The following SH3PXD2A variants were observed in gnomAD, a reference collection of about 807,000 sequenced individuals.
SH3PXD2A encodes SH3 and PX domains 2A, also known as SH3 and PX domain-containing protein 2A.
SH3PXD2A carries 32 observed loss-of-function variants against 115.2 expected under a neutral mutation model. The ratio of observed to expected loss-of-function variants is 0.28; its 90% confidence interval spans 0.21 to 0.37. SH3PXD2A has a LOEUF of 0.37. Ranked by LOEUF, SH3PXD2A falls within the 10% of genes least tolerant of loss-of-function variation. The pLI is 1.00. For synonymous variants in SH3PXD2A, 610 were observed against 629.1 expected (o/e 0.97, Z 0.45); for missense variants, 1,328 against 1,498.7 (o/e 0.89, Z 1.88).
At chr10:103,732,470 G>A (rs1564875585) in intron 4 of SH3PXD2A, among the ~76,000 whole-genome samples, 1 of 152,190 alleles carries the variant, frequency 6.6e-6, no homozygotes. Context: ...TAAATTTTCC[G>A]TGATTCCCAT....
rs567973128 is a variant in SH3PXD2A at position 103,833,069 on chromosome 10, C to T, written c.72+22126G>A. ...GCATTATTAGGCTTTTCATCCTGTA[C>T]TTTCTAACAGAGAATCACAAACTCT... On this transcript the variant is annotated intron_variant, in intron 1 of 14. Coordinates refer to ENST00000369774, the MANE Select transcript of SH3PXD2A (RefSeq NM_001394015.1). Among the ~76,000 whole-genome samples the T allele has an allele frequency of 4.6e-5, 7 of 152,316 alleles. No individual in the cohort carries two copies. In the South Asian group the frequency reaches 1.4e-3, roughly 32 times the overall value.
chr10:103,756,227 C>T lies in SH3PXD2A; in HGVS notation c.229+10867G>A, dbSNP rs1379247418. Among the ~76,000 whole-genome samples the T allele has an allele frequency of 6.6e-6, 1 of 152,170 alleles. No homozygotes were observed. Among genetic ancestry groups the T allele is most frequent in the Non-Finnish European group, 1.5e-5 (1 of 68,038 alleles). ...GCCCTGGATGAATGATACATCAGTT[C>T]ACACAGGTGATGCCTAGAGCCAGCT... On this transcript the variant is annotated intron_variant, in intron 3 of 14. Transcript: ENST00000369774. This position sits in a 1 kb window ranked among gnomAD's most constrained non-coding sequence, Gnocchi z 4.4.
At chr10:103,689,569 G>A (rs1017024959) in intron 6 of SH3PXD2A, among the ~76,000 whole-genome samples, 6 of 152,172 alleles carry the variant, frequency 3.9e-5, no homozygotes, top group African/African-American at 1.4e-4. Context: ...GGAGGCTGAG[G>A]CAAGAGAACC....
intron 8 of SH3PXD2A, among the ~76,000 whole-genome samples, chr10:103,640,634 G>A (rs2036941370): frequency 6.6e-6 from 1 of 152,176 alleles, no homozygotes; most frequent in Admixed American, 6.5e-5. Flanking sequence ...GACACAAAAT[G>A]GGCAACGGTC....
At chr10:103,743,220 AT>A (rs1480351530) in intron 3 of SH3PXD2A, among the ~76,000 whole-genome samples, 1 of 152,148 alleles carries the variant, frequency 6.6e-6, no homozygotes, top group Non-Finnish European at 1.5e-5. Context: ...CAGAGAGAAT[AT>A]AACCATGATT....
chr10:103,694,280 G>GT (rs1160352331), intron 5 of SH3PXD2A, among the ~76,000 whole-genome samples: 1 of 38,606 alleles, frequency 2.6e-5, no homozygotes, highest in Non-Finnish European at 5.2e-5. Flanking sequence ...AGGCGGGGTT[G>GT]GGGGTTTGGG....
intron 2 of SH3PXD2A, among the ~76,000 whole-genome samples, chr10:103,787,346 C>T (rs911402591): frequency 6.6e-6 from 1 of 152,232 alleles, no homozygotes; most frequent in Non-Finnish European, 1.5e-5. Context: ...TCTCAATATG[C>T]ACCAAATATA....
intron 1 of SH3PXD2A, among the ~76,000 whole-genome samples, chr10:103,809,274 G>C (rs933431862): frequency 6.6e-6 from 1 of 152,196 alleles, no homozygotes; most frequent in Non-Finnish European, 1.5e-5. Context: ...TTGACTATAA[G>C]GCTAATGACC....
chr10:103,695,010 C>A (rs1402639931), intron 5 of SH3PXD2A, among the ~76,000 whole-genome samples: 1 of 152,164 alleles, frequency 6.6e-6, no homozygotes, highest in Non-Finnish European at 1.5e-5. Flanking sequence ...AGTATTAGAT[C>A]GTAGCTGTGT....
intron 8 of SH3PXD2A, among the ~76,000 whole-genome samples, chr10:103,638,077 C>T (rs929788220): frequency 2.0e-5 from 3 of 152,192 alleles, no homozygotes; most frequent in Non-Finnish European, 1.5e-5. Context: ...CAAACAGGAG[C>T]GAGCGAGAAA....
intron 3 of SH3PXD2A, among the ~76,000 whole-genome samples, chr10:103,761,866 G>C (rs572112136): frequency 6.6e-6 from 1 of 152,226 alleles, no homozygotes; most frequent in African/African-American, 2.4e-5. Context: ...GAAGAATCGC[G>C]GCTCTGCTGC....
Position 103,801,311 on chromosome 10 carries a change from G to A in SH3PXD2A, c.124C>T (p.Arg42Trp), listed in dbSNP as rs1589460534. ...WSDSTSQTIY[R>W]RYSKFFDLQM... ...AGGTCAAAGAACTTGCTGTACCTCCGGTAGATAGTCTGGGAGGTGGAGTCA... is the reference window on the plus strand; with the variant it reads ...AGGTCAAAGAACTTGCTGTACCTCCAGTAGATAGTCTGGGAGGTGGAGTCA... Residue 42 changes from arginine to tryptophan, a missense_variant, in exon 2 of 15, where the codon CGG becomes TGG. Coordinates refer to ENST00000369774, the MANE Select transcript of SH3PXD2A (RefSeq NM_001394015.1). The A allele has an allele frequency of 6.2e-7, 1 of 1,612,004 alleles. No homozygotes were observed. The highest frequency in any genetic ancestry group is 8.5e-7 in the Non-Finnish European group (1 of 1,178,186).
Position 103,599,918 on chromosome 10 carries a change from C to G in SH3PXD2A, c.*1898G>C, listed in dbSNP as rs545187591. The stretch of plus-strand genomic sequence containing the variant: ...CGACAAAGAACACGAGCCATTTGCT[C>G]TAGCTGCCAGGCATCAGTGTATGGC... On this transcript the variant is annotated 3_prime_UTR_variant, in exon 15 of 15. Coordinates refer to ENST00000369774, the MANE Select transcript of SH3PXD2A (RefSeq NM_001394015.1). The G allele has an allele frequency of 6.6e-6, 1 of 151,940 alleles. No homozygotes were observed. The allele number at this position is 151,940 out of a possible 1,614,324, so 9.4% of individuals were successfully genotyped here.
chr10:103,828,467 T>C lies in SH3PXD2A; in HGVS notation c.72+26728A>G, dbSNP rs147806048. On this transcript the variant is annotated intron_variant, in intron 1 of 14. Transcript: ENST00000369774. ...CCTGAGATAACCCAACCTAACTTTT[T>C]AATTAAAACAAGTTGACTCCTGGGT... is the stretch of plus-strand genomic sequence containing the variant. 3.5e-3 allele frequency among the ~76,000 whole-genome samples: 540 copies of C among 152,302 alleles called. 1 individual carries two copies. The highest frequency in any genetic ancestry group is 5.9e-3 in the Non-Finnish European group (402 of 68,026).
rs1322470749 is a variant in SH3PXD2A, at chr10:103,716,733, G to A, written c.398+7537C>T. Among the ~76,000 whole-genome samples, 5 of 152,196 alleles carry A rather than the reference G, an allele frequency of 3.3e-5. No individual in the cohort carries two copies. In the East Asian group the frequency reaches 9.6e-4, roughly 29 times the overall value. ...GAGCAGGGCAGATCAGCTCAGCCCT[G>A]GCCTCAGTTTTCCCCTCTGTGATAT... On this transcript the variant is annotated intron_variant, in intron 5 of 14. Coordinates refer to ENST00000369774, the MANE Select transcript of SH3PXD2A (RefSeq NM_001394015.1).
At chr10:103,845,050 G>A (rs549905166) in intron 1 of SH3PXD2A, among the ~76,000 whole-genome samples, 7 of 152,168 alleles carry the variant, frequency 4.6e-5, no homozygotes, top group Admixed American at 3.9e-4. Flanking sequence ...TAGGCTGGGC[G>A]TGGTGGCTCA....
chr10:103,602,930 T>C lies in SH3PXD2A; in HGVS notation c.2288A>G (p.Asn763Ser). 6.2e-7 allele frequency: 1 copy of C among 1,614,108 alleles called. No individual in the cohort carries two copies. The highest frequency in any genetic ancestry group is 8.5e-7 in the Non-Finnish European group (1 of 1,180,016). The part of the protein sequence containing the change: ...KPSVRPKPFL[N>S]RAESQSQEKM... ...CTCTTGGCTCTGCGACTCTGCTCGG[T>C]TTAGGAATGGCTTGGGCCGGACCGA... Residue 763 changes from asparagine (N) to serine (S), a missense_variant, in exon 15 of 15, where the codon AAC becomes AGC. Transcript: ENST00000369774.
intron 5 of SH3PXD2A, 45 bp from the exon 6 acceptor site, chr10:103,693,101 C>T: frequency 6.3e-7 from 1 of 1,593,650 alleles, no homozygotes; most frequent in Non-Finnish European, 8.6e-7. Flanking sequence ...GGGCCGGGCG[C>T]GAGCGCGGGG....
At chr10:103,848,461 C>T (rs1450534301) in intron 1 of SH3PXD2A, among the ~76,000 whole-genome samples, 2 of 152,166 alleles carry the variant, frequency 1.3e-5, no homozygotes, top group Non-Finnish European at 2.9e-5. Flanking sequence ...AGCTCCCTCT[C>T]CCTGCCAAGC....
Sources: allele counts gnomAD v4.1 joint callset (sites outside exome capture counted in the v4.1 genomes callset), GRCh38; gene constraint gnomAD v4.1.1; non-coding constraint Gnocchi (gnomAD v3.1); transcripts MANE v1.5; gene names NCBI Gene and HGNC (gene_info 2026-07-23, HGNC 2026-07-21).